The following USP34 variants were observed in gnomAD, a reference collection of about 807,000 sequenced individuals.
USP34 encodes the protein ubiquitin carboxyl-terminal hydrolase 34.
Under a neutral mutation model 460.3 loss-of-function variants are expected in USP34, and 70 were observed. The ratio of observed to expected loss-of-function variants is 0.15; its 90% CI spans 0.13 to 0.19. USP34 has a LOEUF of 0.19. Among genes scored for constraint, USP34 ranks in the 10% least tolerant of loss-of-function variants. The pLI is 1.00. For synonymous variants in USP34, 1,647 were observed against 1,405.3 expected, an observed-to-expected ratio of 1.17 and a Z score of -3.85; for missense variants, 3,985 against 4,236.2, an observed-to-expected ratio of 0.94 and a Z score of 1.65.
intron 18 of USP34, among the ~76,000 whole-genome samples, chr2:61,337,647 G>A (rs897381432): frequency 2.0e-5 from 3 of 152,014 alleles, no homozygotes; most frequent in East Asian, 1.9e-4. Flanking sequence ...TTGTAGAGGC[G>A]AGGTTTTACC....
chr2:61,278,522 C>A (rs948042909), intron 39 of USP34, 79 bp from the exon 40 acceptor site: 1 of 1,118,856 alleles, frequency 8.9e-7, no homozygotes, highest in Non-Finnish European at 1.2e-6. Context: ...AAATCATTTC[C>A]TTATAGGTAA....
Position 61,300,832 on chromosome 2 carries a change from A to G in USP34, c.4128+119T>C, listed in dbSNP as rs1033746694. On this transcript the variant is annotated intron_variant, in intron 29 of 79. Transcript: ENST00000398571. ...ACAAAAAAAAAATGAACAAAAAAAA[A>G]AAAGGAGAGAAAATTATTATATACT... is the stretch of plus-strand genomic sequence containing the variant. 5 of 690,488 alleles carry G rather than the reference A, an allele frequency of 7.2e-6. No homozygotes were observed. In the African/African-American group the frequency reaches 7.5e-5, roughly 10 times the overall value. The allele number at this position is 690,488 out of a possible 1,614,324, so 42.8% of individuals were successfully genotyped here. A position where few individuals can be genotyped will look rare whatever the true frequency, so the allele number is the denominator to read the frequency against.
chr2:61,470,985 G>A lies in USP34; in HGVS notation c.-293C>T, dbSNP rs1440850099. On this transcript the variant is annotated 5_prime_UTR_variant, in exon 1 of 80. Transcript: ENST00000398571. ...GGAAGGACGGGGGGAGGGGAGAGGG[G>A]GGGAGGGGGCGGGTGGGGAGAGAAG... Among the ~76,000 whole-genome samples, 2 of 142,646 alleles carry A rather than the reference G, an allele frequency of 1.4e-5. No homozygotes were observed. The highest frequency in any genetic ancestry group is 1.4e-4 in the Admixed American group (2 of 14,688). The allele number at this position is 142,646 out of a possible 152,430, so 93.6% of individuals were successfully genotyped here.
At chr2:61,428,683 G>A (rs1217446042) in intron 1 of USP34, among the ~76,000 whole-genome samples, 1 of 152,210 alleles carries the variant, frequency 6.6e-6, no homozygotes, top group Non-Finnish European at 1.5e-5. Flanking sequence ...GAAATCGTAT[G>A]CACTAAGCAA....
chr2:61,266,039 C>A lies in USP34; in HGVS notation c.5562G>T (p.Gly1854=). Residue 1854 remains glycine (G), a synonymous_variant, in exon 42 of 80, where the codon GGG becomes GGT. Coordinates refer to ENST00000398571, the MANE Select transcript of USP34 (RefSeq NM_014709.4). ...AYDLLVEMVK[G]SVENYRLIHN... is the part of the protein sequence containing the mutation. ...GTATTAGCCTGTAGTTCTCAACAGA[C>A]CCCTTTACCATCTCTACTAACAAAT... The A allele has an allele frequency of 1.2e-6, 2 of 1,613,832 alleles. No individual in the cohort carries two copies. Among genetic ancestry groups the A allele is most frequent in the Non-Finnish European group, 1.7e-6 (2 of 1,179,804 alleles).
chr2:61,311,492 G>C (rs780733987), intron 27 of USP34, 48 bp downstream of exon 27: 12 of 198,230 alleles, frequency 6.1e-5, no homozygotes, highest in East Asian at 6.0e-4. Flanking sequence ...AAGAGAAAAA[G>C]AAAGAAAGAG....
In USP34 at chr2:61,228,652, G is replaced by T; in HGVS notation, c.7436C>A (p.Pro2479His). 1 of 1,611,012 alleles carries T rather than the reference G, an allele frequency of 6.2e-7. No individual in the cohort carries two copies. The highest frequency in any genetic ancestry group is 8.5e-7 in the Non-Finnish European group (1 of 1,178,812). The change falls in exon 61 of 80, where the codon CCT (proline) becomes CAT (histidine). Residue 2479 changes from proline to histidine, a missense_variant. Pro to His is a moderately conservative substitution (Grantham distance 77, BLOSUM62 -2). This residue lies in a region of USP34 where 604 missense variants were observed against 684.8 expected (regional missense o/e 0.88). Transcript: ENST00000398571. ...MVHFYMGTKG[P>H]ENPQVEVLSE... ...CGATAGAACTGTACTTACATTTTCA[G>T]GTCCTTTTGTTCCCATGTAAAAATG...
intron 1 of USP34, among the ~76,000 whole-genome samples, chr2:61,453,181 C>A (rs576117813): frequency 4.6e-5 from 7 of 151,094 alleles, no homozygotes; most frequent in Admixed American, 3.3e-4. Context: ...GAGGCCGAAG[C>A]GGGTGGATTG....
rs71403400 is a variant in USP34 at position 61,237,554 on chromosome 2, ATTT to A, written c.6778-1168_6778-1166del. Among the ~76,000 whole-genome samples, 240 of 45,114 alleles carry A rather than the reference ATTT, an allele frequency of 5.3e-3. 1 individual carries two copies. Among genetic ancestry groups the A allele is most frequent in the African/African-American group, 0.014 (158 of 11,166 alleles). The allele number at this position is 45,114 out of a possible 152,430, so 29.6% of individuals were successfully genotyped here. On this transcript the variant is annotated intron_variant, in intron 53 of 79. Transcript: ENST00000398571. The stretch of plus-strand genomic sequence containing the variant: ...GTATGTGTATAGCTATTTTCTGTGG[ATTT>A]TTTTTTTTTTTTTTTTTTTTTTTTT...
At position 61,296,763 on chromosome 2, in the gene USP34, C is replaced by T. The variant is rs373482289; in HGVS notation, c.4254+37G>A. On this transcript the variant is annotated intron_variant, in intron 30 of 79. Coordinates refer to ENST00000398571, the MANE Select transcript of USP34 (RefSeq NM_014709.4). ...TGTCAATAGGAATGTAAACTGGTAA[C>T]AGCCTCTAGGAGAGTAAAGAGATTT... 6.1e-4 allele frequency: 974 copies of T among 1,588,096 alleles called. 1 individual carries two copies. The highest frequency in any genetic ancestry group is 8.1e-4 in the Non-Finnish European group (945 of 1,169,792).
At chr2:61,436,351 G>T (rs1156462543) in intron 1 of USP34, among the ~76,000 whole-genome samples, 1 of 152,162 alleles carries the variant, frequency 6.6e-6, no homozygotes, top group East Asian at 1.9e-4. Flanking sequence ...GACTAAAAGT[G>T]AAAGGACGGG....
At chr2:61,217,232 GGTTAACT>G (rs1267307312) in intron 67 of USP34, among the ~76,000 whole-genome samples, 4 of 152,168 alleles carry the variant, frequency 2.6e-5, no homozygotes, top group African/African-American at 9.7e-5. Flanking sequence ...CTTGCCATTT[GGTTAACT>G]GCCTTCCTAT....
In USP34 at chr2:61,242,458, TACACACACAC is replaced by T. The variant is rs67471702; in HGVS notation, c.6628-649_6628-640del. On this transcript the variant is annotated intron_variant, in intron 51 of 79. Transcript: ENST00000398571. Reference sequence around the variant, plus strand: ...GTAAGAGTCAACCAAAGATAATACATACACACACACACACACACACACACACACACACACA... The same window carrying T: ...GTAAGAGTCAACCAAAGATAATACATACACACACACACACACACACACACA... Among the ~76,000 whole-genome samples the T allele has an allele frequency of 6.4e-3, 832 of 129,764 alleles. 9 individuals carry two copies. Among genetic ancestry groups the T allele is most frequent in the South Asian group, 0.016 (60 of 3,648 alleles). 85.1% of individuals were successfully genotyped at this position (129,764 alleles called of 152,430 possible). A position where few individuals can be genotyped will look rare whatever the true frequency, so the allele number is the denominator to read the frequency against.
At chr2:61,452,081 G>A (rs1171228950) in intron 1 of USP34, among the ~76,000 whole-genome samples, 1 of 151,652 alleles carries the variant, frequency 6.6e-6, no homozygotes, top group Non-Finnish European at 1.5e-5. Flanking sequence ...GGCTGAGGCA[G>A]GAGAATGGTG....
intron 3 of USP34, among the ~76,000 whole-genome samples, chr2:61,403,160 C>A (rs1186331035): frequency 6.6e-6 from 1 of 151,984 alleles, no homozygotes; most frequent in Non-Finnish European, 1.5e-5. Flanking sequence ...CTCAAAAAAC[C>A]ACTGCTTTCA....
chr2:61,229,448 C>T (rs1687821370), intron 59 of USP34, 100 bp downstream of exon 59: 3 of 823,622 alleles, frequency 3.6e-6, no homozygotes, highest in South Asian at 4.3e-5. Flanking sequence ...ATGAAGAAAC[C>T]CTATCTCTTA....
At chr2:61,241,480 C>T in intron 53 of USP34, 80 bp downstream of exon 53, 1 of 996,108 alleles carries the variant, frequency 1.0e-6, no homozygotes, top group Non-Finnish European at 1.5e-6. Context: ...ACCTGTAGAA[C>T]CTGTTCTTAC....
chr2:61,261,999 G>A (rs1572880908), intron 43 of USP34, among the ~76,000 whole-genome samples: 2 of 148,072 alleles, frequency 1.4e-5, no homozygotes. Flanking sequence ...GCTGAGGCAG[G>A]AGAACTGCCG....
Position 61,229,029 on chromosome 2 carries a change from A to G in USP34, c.7200-34T>C. The G allele has an allele frequency of 3.4e-6, 5 of 1,484,674 alleles. 1 individual carries two copies. The highest frequency in any genetic ancestry group is 4.5e-6 in the Non-Finnish European group (5 of 1,108,074). The allele number at this position is 1,484,674 out of a possible 1,614,324, so 92.0% of individuals were successfully genotyped here. Reference sequence around the variant, plus strand: ...CAATTAAATAGATCTTAGAGAATGTATGAGGTCTGGAAATACTGTTCGAGA... The same window carrying G: ...CAATTAAATAGATCTTAGAGAATGTGTGAGGTCTGGAAATACTGTTCGAGA... On this transcript the variant is annotated intron_variant, in intron 59 of 79. Coordinates refer to ENST00000398571, the MANE Select transcript of USP34 (RefSeq NM_014709.4).
Sources: allele counts gnomAD v4.1 joint callset (sites outside exome capture counted in the v4.1 genomes callset), GRCh38; gene constraint gnomAD v4.1.1; regional missense constraint gnomAD v4.1.1; transcripts MANE v1.5; gene names NCBI Gene and HGNC (gene_info 2026-07-23, HGNC 2026-07-21).